Variants in SLC16A7 observed in about 807,000 individuals in gnomAD.
The protein encoded by SLC16A7 is monocarboxylate transporter 2.
A neutral mutation model predicts 34.9 loss-of-function variants in SLC16A7; 33 were observed. The observed-to-expected ratio is 0.94, with a 90% confidence interval of 0.72 to 1.26. The LOEUF (loss-of-function observed/expected upper bound fraction) is 1.26, where lower values mean the gene tolerates loss of function less well. Among genes scored for constraint, SLC16A7 ranks in the 50% most tolerant of loss-of-function variants. SLC16A7 has a pLI of 0.00. For missense variants in SLC16A7, 573 were observed against 578.1 expected (o/e 0.99, Z 0.09); for synonymous variants, 201 against 206.6 (o/e 0.97, Z 0.23).
chr12:59,733,122 A>G (rs555670477), intron 3 of SLC16A7, among the ~76,000 whole-genome samples: 3 of 152,190 alleles, frequency 2.0e-5, no homozygotes, highest in Non-Finnish European at 4.4e-5. Flanking sequence ...GATTTGGGTT[A>G]GGGTCATGGC....
At chr12:59,754,733 G>C (rs866739690) in intron 3 of SLC16A7, among the ~76,000 whole-genome samples, 135 of 152,218 alleles carry the variant, frequency 8.9e-4, no homozygotes, top group Non-Finnish European at 1.5e-3. Context: ...TACAAAAAGA[G>C]GGAATCCTCC....
At chr12:59,744,996 TTA>T (rs1878740683) in intron 3 of SLC16A7, among the ~76,000 whole-genome samples, 1 of 152,194 alleles carries the variant, frequency 6.6e-6, no homozygotes, top group African/African-American at 2.4e-5. Flanking sequence ...TTCTGCTTCA[TTA>T]TGAGAGCCTC....
At chr12:59,714,548 T>G (rs1427436745) in intron 3 of SLC16A7, among the ~76,000 whole-genome samples, 2 of 149,298 alleles carry the variant, frequency 1.3e-5, no homozygotes, top group Non-Finnish European at 3.0e-5. Flanking sequence ...CCCTGGTGTC[T>G]TTCTCTCTCT....
intron 1 of SLC16A7, among the ~76,000 whole-genome samples, chr12:59,622,535 TAC>T (rs1244638197): frequency 2.0e-5 from 3 of 152,020 alleles, no homozygotes; most frequent in Non-Finnish European, 4.4e-5. Context: ...TTTCATTTTC[TAC>T]ACAGTCTTTT....
At chr12:59,606,862 G>A (rs958511620) in intron 1 of SLC16A7, among the ~76,000 whole-genome samples, 28 of 146,130 alleles carry the variant, frequency 1.9e-4, no homozygotes, top group African/African-American at 7.7e-4. Flanking sequence ...ATATATATAT[G>A]TGTGTGTGTG....
chr12:59,777,947 C>T (rs1261640350), intron 5 of SLC16A7, among the ~76,000 whole-genome samples: 1 of 151,904 alleles, frequency 6.6e-6, no homozygotes, highest in African/African-American at 2.4e-5. Flanking sequence ...ATGATGATTT[C>T]CAGTTTCATC....
intron 2 of SLC16A7, among the ~76,000 whole-genome samples, chr12:59,701,673 C>T (rs986842676): frequency 6.6e-6 from 1 of 151,738 alleles, no homozygotes; most frequent in African/African-American, 2.4e-5. Context: ...AGTCTGCACA[C>T]ACCTCTTTAC....
At chr12:59,720,328 AT>A (rs1288221973) in intron 3 of SLC16A7, 2 of 494,630 alleles carry the variant, frequency 4.0e-6, no homozygotes, top group African/African-American at 4.1e-5. Flanking sequence ...TTGTGAGACC[AT>A]AATTAGTACC....
intron 3 of SLC16A7, among the ~76,000 whole-genome samples, chr12:59,726,175 G>C (rs1201838712): frequency 6.6e-6 from 1 of 152,044 alleles, no homozygotes; most frequent in Non-Finnish European, 1.5e-5. Context: ...ATTTGTCTTA[G>C]ACCTGTAAAT....
In SLC16A7 at chr12:59,784,245, C is replaced by T. The variant is rs1220895467; in HGVS notation, c.*4566C>T. The T allele has an allele frequency of 6.6e-6, 1 of 151,908 alleles. No individual in the cohort carries two copies. The highest frequency in any genetic ancestry group is 2.4e-5 in the African/African-American group (1 of 41,336). 9.4% of individuals were successfully genotyped at this position (151,908 alleles called of 1,614,324 possible). A position where few individuals can be genotyped will look rare whatever the true frequency, so the allele number is the denominator to read the frequency against. On this transcript the variant is annotated 3_prime_UTR_variant, in exon 6 of 6. Coordinates refer to ENST00000547379, the MANE Select transcript of SLC16A7 (RefSeq NM_001270623.2). ...AATTACCTGGATGTGGTGATGTGCA[C>T]CTGTAGTCCCAGCTACTCGGGAGGC...
chr12:59,675,803 A>C (rs1368030615), intron 2 of SLC16A7, among the ~76,000 whole-genome samples: 1 of 152,170 alleles, frequency 6.6e-6, no homozygotes, highest in African/African-American at 2.4e-5. Context: ...GACCTGGATC[A>C]GATGTCCTGA....
intron 3 of SLC16A7, among the ~76,000 whole-genome samples, chr12:59,743,688 AT>A (rs1160419362): frequency 1.3e-5 from 2 of 152,232 alleles, no homozygotes; most frequent in African/African-American, 4.8e-5. Context: ...CTACATCCAA[AT>A]ATTACATTTA....
intron 3 of SLC16A7, among the ~76,000 whole-genome samples, chr12:59,736,301 G>T (rs1315302679): frequency 6.6e-6 from 1 of 152,156 alleles, no homozygotes; most frequent in Non-Finnish European, 1.5e-5. Flanking sequence ...TGAGAGAAGA[G>T]ATTTCATAAA....
chr12:59,659,515 T>C (rs1868721734), intron 2 of SLC16A7, among the ~76,000 whole-genome samples: 2 of 152,100 alleles, frequency 1.3e-5, no homozygotes, highest in Admixed American at 1.3e-4. Context: ...CTGTACATAA[T>C]ATAATGGGTT....
At chr12:59,649,735 G>A (rs1488003529) in intron 1 of SLC16A7, among the ~76,000 whole-genome samples, 1 of 152,138 alleles carries the variant, frequency 6.6e-6, no homozygotes, top group East Asian at 1.9e-4. Flanking sequence ...GATCACCTGA[G>A]GTGAGGAGTT....
chr12:59,753,551 G>C (rs944014513), intron 3 of SLC16A7, among the ~76,000 whole-genome samples: 1 of 151,956 alleles, frequency 6.6e-6, no homozygotes, highest in Non-Finnish European at 1.5e-5. Context: ...AACAAGAAGA[G>C]CTAACTATCC....
intron 3 of SLC16A7, among the ~76,000 whole-genome samples, chr12:59,764,417 G>A (rs1279212348): frequency 2.0e-5 from 3 of 151,924 alleles, no homozygotes; most frequent in African/African-American, 7.3e-5. Flanking sequence ...GTGCCATGTT[G>A]GTGTGCTGCG....
intron 1 of SLC16A7, among the ~76,000 whole-genome samples, chr12:59,602,630 C>T (rs1392856949): frequency 6.6e-6 from 1 of 151,498 alleles, no homozygotes; most frequent in African/African-American, 2.4e-5. Context: ...ACTATAGGCG[C>T]CCACCATCAC....
At chr12:59,634,247 A>G (rs1880318230) in intron 1 of SLC16A7, among the ~76,000 whole-genome samples, 1 of 152,044 alleles carries the variant, frequency 6.6e-6, no homozygotes, top group Non-Finnish European at 1.5e-5. Context: ...TTATGAGCAC[A>G]CTGAGATTAT....
Sources: allele counts gnomAD v4.1 joint callset (sites outside exome capture counted in the v4.1 genomes callset), GRCh38; gene constraint gnomAD v4.1.1; transcripts MANE v1.5; gene names NCBI Gene and HGNC (gene_info 2026-07-23, HGNC 2026-07-21).